Variants in SPATA18 observed in about 807,000 individuals in gnomAD.
SPATA18 encodes the protein mitochondria-eating protein.
Under a neutral mutation model 68.1 loss-of-function variants are expected in SPATA18, and 54 were observed. The ratio of observed to expected loss-of-function variants is 0.79; its 90% CI spans 0.64 to 0.99. The LOEUF (loss-of-function observed/expected upper bound fraction) is 0.99. Ranked by LOEUF, SPATA18 falls within the 50% of genes least tolerant of loss-of-function variation. The probability of loss-of-function intolerance (pLI) is 0.00; values close to 1 mark genes in which losing one functional copy is unlikely to be tolerated. For synonymous variants in SPATA18, 242 were observed against 244.8 expected (o/e 0.99, Z 0.11); for missense variants, 724 against 681.1 (o/e 1.06, Z -0.70).
chr4:52,053,474 C>A (rs1322909790), intron 1 of SPATA18, among the ~76,000 whole-genome samples: 1 of 152,206 alleles, frequency 6.6e-6, no homozygotes, highest in Non-Finnish European at 1.5e-5. Context: ...CCCCTCCACT[C>A]CTGCTTCATC....
At chr4:52,085,814 T>C (rs1741376768) in intron 11 of SPATA18, among the ~76,000 whole-genome samples, 1 of 152,120 alleles carries the variant, frequency 6.6e-6, no homozygotes, top group South Asian at 2.1e-4. Context: ...GAGGCTGAGC[T>C]GGGAGGATCA....
At chr4:52,092,568 A>G (rs1742068171) in intron 11 of SPATA18, among the ~76,000 whole-genome samples, 1 of 152,232 alleles carries the variant, frequency 6.6e-6, no homozygotes, top group Non-Finnish European at 1.5e-5. Context: ...AATGAGATGA[A>G]CTGGGTTCCT....
intron 4 of SPATA18, among the ~76,000 whole-genome samples, chr4:52,067,588 A>G (rs1386623119): frequency 1.3e-5 from 2 of 152,060 alleles, no homozygotes. Flanking sequence ...GGCTCTTTGC[A>G]TGCCTGGCTC....
At chr4:52,094,121 G>C (rs946781865) in intron 11 of SPATA18, among the ~76,000 whole-genome samples, 1 of 152,100 alleles carries the variant, frequency 6.6e-6, no homozygotes, top group Non-Finnish European at 1.5e-5. Flanking sequence ...TGAAAGTAAA[G>C]GTGAGATTTG....
chr4:52,078,613 A>G (rs1740616943), intron 7 of SPATA18, 122 bp from the exon 8 acceptor site: 7 of 841,940 alleles, frequency 8.3e-6, no homozygotes, highest in Non-Finnish European at 8.8e-6. Flanking sequence ...TTTTTGATCA[A>G]CTGTGTTTAG....
chr4:52,055,272 A>G (rs1738238986), intron 1 of SPATA18, among the ~76,000 whole-genome samples: 1 of 152,232 alleles, frequency 6.6e-6, no homozygotes, highest in Non-Finnish European at 1.5e-5. Flanking sequence ...TCAGTTCTAC[A>G]CTTATAACGT....
chr4:52,085,011 T>C lies in SPATA18; in HGVS notation c.1563+12T>C. On this transcript the variant is annotated intron_variant, in intron 11 of 12. Coordinates refer to ENST00000295213, the MANE Select transcript of SPATA18 (RefSeq NM_145263.4). ...TTGGTTTAAACACGGTACATATCTATCTAATCATTTTTACACAAAATTCAT... is the reference window on the plus strand; with the variant it reads ...TTGGTTTAAACACGGTACATATCTACCTAATCATTTTTACACAAAATTCAT... The C allele has an allele frequency of 6.3e-7, 1 of 1,592,956 alleles. No individual in the cohort carries two copies. Among genetic ancestry groups the C allele is most frequent in the East Asian group, 2.2e-5 (1 of 44,624 alleles).
chr4:52,090,888 C>G (rs1741883714), intron 11 of SPATA18, among the ~76,000 whole-genome samples: 1 of 152,110 alleles, frequency 6.6e-6, no homozygotes, highest in African/African-American at 2.4e-5. Context: ...TGTTTTCCAG[C>G]TTGGTTCCAT....
At chr4:52,061,044 TG>T in intron 3 of SPATA18, 147 bp downstream of exon 3, 1 of 672,784 alleles carries the variant, frequency 1.5e-6, no homozygotes, top group Non-Finnish European at 2.5e-6. Context: ...CATGGGACGG[TG>T]TTAGTTTTTG....
chr4:52,060,584 C>A, intron 2 of SPATA18, 60 bp downstream of exon 2: 1 of 1,517,118 alleles, frequency 6.6e-7, no homozygotes, highest in Non-Finnish European at 9.1e-7. Context: ...TTTCTTGGTG[C>A]TTTTTTGTGT....
chr4:52,078,641 T>C (rs1188852292), intron 7 of SPATA18, 94 bp from the exon 8 acceptor site: 4 of 1,152,902 alleles, frequency 3.5e-6, no homozygotes, highest in Non-Finnish European at 4.8e-6. Context: ...AAGACCAATA[T>C]GATGTTGAAG....
chr4:52,074,374 G>A (rs1740132528), intron 6 of SPATA18, among the ~76,000 whole-genome samples: 1 of 152,160 alleles, frequency 6.6e-6, no homozygotes, highest in Admixed American at 6.5e-5. Flanking sequence ...AAAGGAAAGG[G>A]GCCTCATGAC....
chr4:52,051,550 C>G lies in SPATA18; in HGVS notation c.-155C>G. 1 of 739,118 alleles carries G rather than the reference C, an allele frequency of 1.4e-6. No individual in the cohort carries two copies. The allele number at this position is 739,118 out of a possible 1,614,324, so 45.8% of individuals were successfully genotyped here. ...CTGGCTTCCCGAACCCGGCCAGGTCCGACCCGAGGGGGAGGATGGAAACAC... is the reference window on the plus strand; with the variant it reads ...CTGGCTTCCCGAACCCGGCCAGGTCGGACCCGAGGGGGAGGATGGAAACAC... On this transcript the variant is annotated 5_prime_UTR_variant, in exon 1 of 13. Transcript: ENST00000295213.
chr4:52,092,317 T>C (rs1383433657), intron 11 of SPATA18, among the ~76,000 whole-genome samples: 1 of 151,842 alleles, frequency 6.6e-6, no homozygotes, highest in Non-Finnish European at 1.5e-5. Context: ...CTGCCCAGTT[T>C]TGTGCTTGAA....
chr4:52,079,805 G>C lies in SPATA18; in HGVS notation c.1241G>C (p.Cys414Ser), dbSNP rs1435300655. The change falls in exon 9 of 13, where the codon TGC becomes TCC. Residue 414 changes from cysteine (C) to serine (S), a missense_variant. Transcript: ENST00000295213. ...KISFPPVVDF[C>S]LLSDFIQEIC... is the part of the protein sequence containing the mutation. ...TCATTCCCTCCTGTCGTTGACTTTT[G>C]CCTTCTCAGTGACTTCATCCAGGAG... is the stretch of plus-strand genomic sequence containing the variant. The C allele has an allele frequency of 6.2e-7, 1 of 1,611,506 alleles. No individual in the cohort carries two copies. Among genetic ancestry groups the C allele is most frequent in the African/African-American group, 1.3e-5 (1 of 74,770 alleles).
chr4:52,086,914 C>G (rs781113199), intron 11 of SPATA18, among the ~76,000 whole-genome samples: 1 of 152,174 alleles, frequency 6.6e-6, no homozygotes, highest in Non-Finnish European at 1.5e-5. Context: ...TTTCCACAAC[C>G]TCTCCAGGAT....
At chr4:52,082,650 T>A in intron 10 of SPATA18, 140 bp downstream of exon 10, 3 of 1,548,858 alleles carry the variant, frequency 1.9e-6, no homozygotes, top group South Asian at 1.2e-5. Context: ...TCGGAGATGA[T>A]CTCAAGAAGA....
chr4:52,075,306 A>G (rs1740240061), intron 6 of SPATA18, among the ~76,000 whole-genome samples: 1 of 152,170 alleles, frequency 6.6e-6, no homozygotes, highest in Non-Finnish European at 1.5e-5. Flanking sequence ...TTATTGGCTA[A>G]TGAAAAAGAA....
chr4:52,082,510 T>G lies in SPATA18; in HGVS notation c.1479T>G (p.Phe493Leu), dbSNP rs769100417. ...AAGCTGTCACCAGGAGAGGGGCTTT[T>G]GTACGGTGGCCTTGCATAGTGACAA... is the stretch of plus-strand genomic sequence containing the variant. The part of the protein sequence containing the change: ...KGEAVTRRGA[F>L]WNSVRSVSRC... The change falls in exon 10 of 13, where the codon TTT (phenylalanine) becomes TTG (leucine). Residue 493 changes from phenylalanine (F) to leucine (L), a missense_variant and splice_region_variant. Physicochemically the swap from Phe to Leu is conservative, Grantham distance 22. Coordinates refer to ENST00000295213, the MANE Select transcript of SPATA18 (RefSeq NM_145263.4). 1.1e-5 allele frequency: 18 copies of G among 1,614,132 alleles called. No individual in the cohort carries two copies. In the East Asian group the frequency reaches 3.3e-4, roughly 30 times the overall value.
Sources: gnomAD v4.1 joint callset for allele counts (sites outside exome capture counted in the v4.1 genomes callset) on GRCh38, gnomAD v4.1.1 for gene constraint, MANE v1.5 for transcripts, NCBI Gene and HGNC (gene_info 2026-07-23, HGNC 2026-07-21) for gene names.